Variants in PTPN9 observed in about 807,000 individuals in gnomAD.
PTPN9 encodes the protein protein tyrosine phosphatase non-receptor type 9.
PTPN9 carries 26 observed loss-of-function variants against 69.8 expected under a neutral mutation model. The ratio of observed to expected loss-of-function variants is 0.37; its 90% CI spans 0.27 to 0.52. The LOEUF is 0.52. PTPN9 is among the 20% of genes least tolerant of loss of function. The pLI, the probability that PTPN9 is intolerant of heterozygous loss-of-function variation, is 0.91. For synonymous variants in PTPN9, 274 were observed against 272.5 expected, an observed-to-expected ratio of 1.01 and a Z score of -0.05; for missense variants, 549 against 740.3, an observed-to-expected ratio of 0.74 and a Z score of 3.00.
chr15:75,527,105 C>A lies in PTPN9; in HGVS notation c.207+13G>T, dbSNP rs2074931715. The stretch of plus-strand genomic sequence containing the variant: ...CAACTGCCACAGGTCTGGTCTACCC[C>A]TGAGCCACATACTCTGTAGGAGTGG... On this transcript the variant is annotated intron_variant, in intron 2 of 12. Transcript: ENST00000618819. The A allele has an allele frequency of 2.5e-6, 4 of 1,614,104 alleles. No individual in the cohort carries two copies. The highest frequency in any genetic ancestry group is 3.4e-6 in the Non-Finnish European group (4 of 1,179,988).
intron 1 of PTPN9, among the ~76,000 whole-genome samples, chr15:75,535,026 T>C (rs942841412): frequency 3.3e-5 from 5 of 151,414 alleles, no homozygotes; most frequent in East Asian, 2.0e-4. Context: ...AGACAGAGTC[T>C]CACTCTGTTG....
intron 5 of PTPN9, among the ~76,000 whole-genome samples, chr15:75,516,869 C>A (rs753253796): frequency 1.3e-5 from 2 of 151,628 alleles, no homozygotes; most frequent in African/African-American, 2.4e-5. Context: ...CTCAGCCTCC[C>A]GAGTACCTGG....
intron 1 of PTPN9, among the ~76,000 whole-genome samples, chr15:75,559,516 T>A (rs1266472558): frequency 2.0e-5 from 3 of 152,094 alleles, no homozygotes; most frequent in Non-Finnish European, 4.4e-5. Flanking sequence ...CCACTCAGCG[T>A]TAGATGGATT....
intron 1 of PTPN9, among the ~76,000 whole-genome samples, chr15:75,538,144 A>C (rs1313260944): frequency 6.6e-6 from 1 of 152,182 alleles, no homozygotes; most frequent in Admixed American, 6.5e-5. Flanking sequence ...TCTCCGAGGA[A>C]TGTAAAGACT....
At chr15:75,566,678 C>CA (rs71140171) in intron 1 of PTPN9, among the ~76,000 whole-genome samples, 2,616 of 112,598 alleles carry the variant, frequency 0.023, 36 homozygotes, top group Middle Eastern at 0.099. Flanking sequence ...CACTCTGTCT[C>CA]AAAAAAAAAA....
At position 75,579,001 on chromosome 15, in the gene PTPN9, A is replaced by C; in HGVS notation, c.-225T>G. 3.7e-6 allele frequency: 1 copy of C among 273,388 alleles called. No individual in the cohort carries two copies. Among genetic ancestry groups the C allele is most frequent in the Non-Finnish European group, 6.8e-6 (1 of 146,922 alleles). The allele number at this position is 273,388 out of a possible 1,614,324, so 16.9% of individuals were successfully genotyped here. On this transcript the variant is annotated 5_prime_UTR_variant, in exon 1 of 13. Coordinates refer to ENST00000618819, the MANE Select transcript of PTPN9 (RefSeq NM_002833.4). ...CTCTTCCGGGAGGAAATCCTTTTTT[A>C]TATTATTCGCTCCGTTCCTCACACT...
chr15:75,502,770 C>A (rs2074780902), intron 7 of PTPN9, among the ~76,000 whole-genome samples: 2 of 152,090 alleles, frequency 1.3e-5, no homozygotes, highest in Non-Finnish European at 2.9e-5. Context: ...AATGAACAGA[C>A]CAGCACTCAC....
At chr15:75,555,630 G>A (rs916242221) in intron 1 of PTPN9, among the ~76,000 whole-genome samples, 3 of 151,834 alleles carry the variant, frequency 2.0e-5, no homozygotes, top group Admixed American at 6.6e-5. Flanking sequence ...TCAGCCTCCT[G>A]AGTAGCTGGG....
At chr15:75,496,383 A>T (rs1222810412) in intron 7 of PTPN9, among the ~76,000 whole-genome samples, 1 of 152,104 alleles carries the variant, frequency 6.6e-6, no homozygotes, top group Non-Finnish European at 1.5e-5. Flanking sequence ...TACAATGACG[A>T]TTCAATTTAA....
intron 6 of PTPN9, among the ~76,000 whole-genome samples, 177 bp from the exon 7 acceptor site, chr15:75,506,180 G>C (rs1231386613): frequency 6.6e-6 from 1 of 152,168 alleles, no homozygotes; most frequent in Non-Finnish European, 1.5e-5. Flanking sequence ...TAAGTCCTAT[G>C]AATTTGCCAG....
chr15:75,517,495 A>C, intron 4 of PTPN9, 131 bp from the exon 5 acceptor site: 13 of 611,378 alleles, frequency 2.1e-5, no homozygotes, highest in Non-Finnish European at 5.6e-6. Context: ...CTGACTGCAC[A>C]CTGGTCTTAC....
At chr15:75,569,683 CAAA>C (rs747748643) in intron 1 of PTPN9, among the ~76,000 whole-genome samples, 3 of 55,018 alleles carry the variant, frequency 5.5e-5, no homozygotes, top group Non-Finnish European at 7.5e-5. Flanking sequence ...AACTCCATCT[CAAA>C]AAAAAAAAAA....
intron 7 of PTPN9, among the ~76,000 whole-genome samples, chr15:75,490,885 A>G (rs778213953): frequency 8.8e-4 from 133 of 151,528 alleles, no homozygotes; most frequent in Non-Finnish European, 1.4e-3. Flanking sequence ...TCGGCCTCCC[A>G]AAGTGTTGGG....
intron 1 of PTPN9, among the ~76,000 whole-genome samples, chr15:75,576,417 A>G (rs1304994824): frequency 6.6e-6 from 1 of 151,510 alleles, no homozygotes; most frequent in Non-Finnish European, 1.5e-5. Flanking sequence ...CTGTAATCCC[A>G]GATACTCAGG....
intron 5 of PTPN9, among the ~76,000 whole-genome samples, chr15:75,509,422 C>T (rs1406384991): frequency 1.3e-5 from 2 of 152,188 alleles, no homozygotes; most frequent in African/African-American, 2.4e-5. Context: ...GGTGCGGTGG[C>T]TCATGCCTAT....
intron 10 of PTPN9, among the ~76,000 whole-genome samples, chr15:75,471,389 G>A (rs547566876): frequency 6.6e-6 from 1 of 152,156 alleles, no homozygotes; most frequent in African/African-American, 2.4e-5. Context: ...CAGGAGGTTT[G>A]TGTAAAAGCC....
Position 75,466,295 on chromosome 15 carries a change from A to G in PTPN9, c.*2474T>C, listed in dbSNP as rs1237537864. The stretch of plus-strand genomic sequence containing the variant: ...GTGAGCATCCAGTAAATTGGCTGCT[A>G]TGACTATTATTAAGAACACCCCAAT... On this transcript the variant is annotated 3_prime_UTR_variant, in exon 13 of 13. Coordinates refer to ENST00000618819, the MANE Select transcript of PTPN9 (RefSeq NM_002833.4). 2 of 152,230 alleles carry G rather than the reference A, an allele frequency of 1.3e-5. No individual in the cohort carries two copies. The highest frequency in any genetic ancestry group is 2.9e-5 in the Non-Finnish European group (2 of 68,060). The allele number at this position is 152,230 out of a possible 1,614,324, so 9.4% of individuals were successfully genotyped here.
intron 10 of PTPN9, 51 bp downstream of exon 10, chr15:75,473,638 C>A (rs1383798586): frequency 2.1e-6 from 3 of 1,408,330 alleles, no homozygotes; most frequent in Non-Finnish European, 3.0e-6. Context: ...ATCACCCATG[C>A]CTAGGGACAG....
chr15:75,557,948 A>G (rs1390466400), intron 1 of PTPN9, among the ~76,000 whole-genome samples: 2 of 151,384 alleles, frequency 1.3e-5, no homozygotes, highest in Non-Finnish European at 3.0e-5. Flanking sequence ...TAATCCTAGC[A>G]CTTTGGGAGG....
Sources: gnomAD v4.1 joint callset for allele counts (sites outside exome capture counted in the v4.1 genomes callset) on GRCh38, gnomAD v4.1.1 for gene constraint, MANE v1.5 for transcripts, NCBI Gene and HGNC (gene_info 2026-07-23, HGNC 2026-07-21) for gene names.